Variants in TRERF1 observed in about 807,000 individuals in gnomAD.
TRERF1 encodes transcriptional regulating factor 1, also known as transcriptional-regulating factor 1.
TRERF1 carries 27 observed loss-of-function variants against 122.9 expected under a neutral mutation model. The ratio of observed to expected loss-of-function variants is 0.22; its 90% CI spans 0.16 to 0.30. The LOEUF is 0.30. Among genes scored for constraint, TRERF1 ranks in the 10% least tolerant of loss-of-function variants. TRERF1 has a pLI of 1.00. For missense variants in TRERF1, 1,248 were observed against 1,560.3 expected (o/e 0.80, Z 3.37); for synonymous variants, 636 against 641.7 (o/e 0.99, Z 0.13).
At chr6:42,226,352 AC>A (rs1336128686) in exon 18 of TRERF1, 1 of 152,156 alleles carries the variant, frequency 6.6e-6, no homozygotes, top group Non-Finnish European at 1.5e-5. Context: ...CAATAGCAGC[AC>A]CCTTCTAGGC....
chr6:42,391,960 A>C (rs1777811880), intron 2 of TRERF1, among the ~76,000 whole-genome samples: 1 of 152,230 alleles, frequency 6.6e-6, no homozygotes, highest in South Asian at 2.1e-4. Flanking sequence ...GCTGTGTCTC[A>C]GGAACTGGGA....
intron 2 of TRERF1, among the ~76,000 whole-genome samples, chr6:42,422,652 C>G (rs1782962668): frequency 6.6e-6 from 1 of 152,066 alleles, no homozygotes; most frequent in South Asian, 2.1e-4. Flanking sequence ...TTCTCTCAAG[C>G]AGTAATTTCA....
chr6:42,404,960 C>T (rs570701799), intron 2 of TRERF1, among the ~76,000 whole-genome samples: 1 of 152,132 alleles, frequency 6.6e-6, no homozygotes, highest in Non-Finnish European at 1.5e-5. Flanking sequence ...ATACCCACCC[C>T]CAGGCTACAG....
intron 14 of TRERF1, among the ~76,000 whole-genome samples, chr6:42,245,985 G>A (rs1774732754): frequency 6.6e-6 from 1 of 152,208 alleles, no homozygotes; most frequent in African/African-American, 2.4e-5. Flanking sequence ...GTGCATGCCT[G>A]TAATCCCAGT....
At chr6:42,319,595 G>A (rs1763051038) in intron 3 of TRERF1, among the ~76,000 whole-genome samples, 1 of 152,114 alleles carries the variant, frequency 6.6e-6, no homozygotes, top group Non-Finnish European at 1.5e-5. Context: ...GCTGAGGCAG[G>A]AGGATCACTT....
chr6:42,267,195 C>T (rs57658916), intron 5 of TRERF1, among the ~76,000 whole-genome samples: 1 of 123,988 alleles, frequency 8.1e-6, no homozygotes, highest in African/African-American at 4.9e-5. Flanking sequence ...TGCTCAGGCC[C>T]AGGTGGCATG....
At chr6:42,225,569 A>G (rs1769404610) in exon 18 of TRERF1, 1 of 152,044 alleles carries the variant, frequency 6.6e-6, no homozygotes, top group South Asian at 2.1e-4. Context: ...TAAGCACACT[A>G]GATATTATGA....
At chr6:42,344,858 A>G (rs1767967172) in intron 3 of TRERF1, among the ~76,000 whole-genome samples, 1 of 152,010 alleles carries the variant, frequency 6.6e-6, no homozygotes, top group African/African-American at 2.4e-5. Flanking sequence ...CCTTCTACAT[A>G]TTGTACTTAT....
chr6:42,430,528 T>A (rs1020361803), intron 2 of TRERF1, among the ~76,000 whole-genome samples: 1 of 152,192 alleles, frequency 6.6e-6, no homozygotes, highest in African/African-American at 2.4e-5. Flanking sequence ...GACGGGTGGA[T>A]CACTTGAAGT....
intron 2 of TRERF1, among the ~76,000 whole-genome samples, chr6:42,429,286 G>A (rs1303505539): frequency 6.6e-6 from 1 of 152,052 alleles, no homozygotes; most frequent in African/African-American, 2.4e-5. Flanking sequence ...CCCTGGGAAG[G>A]TAGCATTCTC....
At chr6:42,327,520 C>T in intron 3 of TRERF1, among the ~76,000 whole-genome samples, 1 of 152,142 alleles carries the variant, frequency 6.6e-6, no homozygotes, top group East Asian at 1.9e-4. Flanking sequence ...ACCCCATAAA[C>T]GTTTACTGAA....
chr6:42,437,765 G>A (rs754552643), intron 2 of TRERF1, among the ~76,000 whole-genome samples: 4 of 152,230 alleles, frequency 2.6e-5, no homozygotes, highest in South Asian at 2.1e-4. Flanking sequence ...GACCTTGAAC[G>A]AGCTTCTGCA....
At chr6:42,284,143 G>C (rs1045852705) in intron 4 of TRERF1, among the ~76,000 whole-genome samples, 10 of 152,154 alleles carry the variant, frequency 6.6e-5, no homozygotes, top group Non-Finnish European at 1.5e-5. Context: ...GCCAGAAGTA[G>C]AGAATCCTGG....
intron 3 of TRERF1, among the ~76,000 whole-genome samples, chr6:42,301,556 C>T (rs1035095600): frequency 2.0e-5 from 3 of 152,186 alleles, no homozygotes; most frequent in Admixed American, 6.5e-5. Context: ...AAATTTTCCA[C>T]ACCATTAGAG....
rs1554218671 is a variant in TRERF1 at position 42,434,710 on chromosome 6, A to ACACACACC, written c.-454+16466_-454+16467insGGTGTGTG. ...CACACACACACACACACACACACAC[A>ACACACACC]CCCCTAATAGGAGTTATTCATGTAG... On this transcript the variant is annotated intron_variant, in intron 2 of 17. Transcript: ENST00000372922. Among the ~76,000 whole-genome samples, 27 of 147,456 alleles carry ACACACACC rather than the reference A, an allele frequency of 1.8e-4. 1 individual carries two copies. The South Asian group carries it at 3.4e-3, about 18-fold the overall frequency.
At position 42,431,802 on chromosome 6, in the gene TRERF1, G is replaced by A. The variant is rs138022493; in HGVS notation, c.-454+19375C>T. 2.5e-3 allele frequency among the ~76,000 whole-genome samples: 387 copies of A among 152,096 alleles called. 2 individuals carry two copies. The highest frequency in any genetic ancestry group is 8.8e-3 in the African/African-American group (363 of 41,436). On this transcript the variant is annotated intron_variant, in intron 2 of 17. Transcript: ENST00000372922. ...CTCAAGCTATAAAGTGAGCCGCCAT[G>A]TCTGAGACCAGGTCCCAAATGCACC...
At chr6:42,354,601 T>C (rs1179361065) in intron 3 of TRERF1, among the ~76,000 whole-genome samples, 1 of 152,184 alleles carries the variant, frequency 6.6e-6, no homozygotes, top group Non-Finnish European at 1.5e-5. Context: ...TCAGAATTAT[T>C]TATTGAATAA....
At chr6:42,285,111 T>A (rs1292508633) in intron 4 of TRERF1, among the ~76,000 whole-genome samples, 2 of 152,236 alleles carry the variant, frequency 1.3e-5, no homozygotes, top group African/African-American at 4.8e-5. Context: ...TTCCTACCCA[T>A]GAGCATGAAA....
At chr6:42,285,571 G>A (rs1302055397) in intron 4 of TRERF1, among the ~76,000 whole-genome samples, 8 of 151,352 alleles carry the variant, frequency 5.3e-5, no homozygotes, top group African/African-American at 1.9e-4. Context: ...AGTTTTCAAA[G>A]GGAATGCTTC....
Sources: gnomAD v4.1 joint callset for allele counts (sites outside exome capture counted in the v4.1 genomes callset) on GRCh38, gnomAD v4.1.1 for gene constraint, MANE v1.5 for transcripts, NCBI Gene and HGNC (gene_info 2026-07-23, HGNC 2026-07-21) for gene names.